ATP10B: variants seen among roughly 807,000 people sequenced by gnomAD.
ATP10B encodes ATPase phospholipid transporting 10B (putative).
A neutral mutation model predicts 141.2 loss-of-function variants in ATP10B; 122 were observed. The observed-to-expected ratio is 0.86, with a 90% CI of 0.75 to 1.00. The LOEUF is 1.00. ATP10B is among the 50% of genes least tolerant of loss of function. The pLI is 0.00. For synonymous variants in ATP10B, 685 were observed against 692.0 expected, an observed-to-expected ratio of 0.99 and a Z score of 0.16; for missense variants, 1,876 against 1,825.3, an observed-to-expected ratio of 1.03 and a Z score of -0.51.
chr5:160,573,617 ATTGTG>A (rs1755012290), intron 24 of ATP10B, among the ~76,000 whole-genome samples: 1 of 152,118 alleles, frequency 6.6e-6, no homozygotes, highest in South Asian at 2.1e-4. Context: ...CGAGAACTCT[ATTGTG>A]AACTGTGGAT....
chr5:160,881,493 A>G, the ATP10B span, among the ~76,000 whole-genome samples: 8 of 152,212 alleles, frequency 5.3e-5, no homozygotes, highest in African/African-American at 9.7e-5. Context: ...CGGCACACAG[A>G]TATTTATAGT....
At chr5:160,748,292 G>C (rs116077129) in intron 2 of ATP10B, among the ~76,000 whole-genome samples, 1,675 of 152,322 alleles carry the variant, frequency 0.011, 28 homozygotes, top group African/African-American at 0.038. Context: ...GCCCTTGCTA[G>C]TGAAGCTTAG....
At chr5:160,720,604 G>T (rs918509772) in intron 2 of ATP10B, among the ~76,000 whole-genome samples, 7 of 152,166 alleles carry the variant, frequency 4.6e-5, no homozygotes, top group African/African-American at 1.7e-4. Flanking sequence ...TATTCTTTGC[G>T]ATGACTATCT....
chr5:160,820,042 A>C (rs888353779), intron 1 of ATP10B, among the ~76,000 whole-genome samples: 1 of 152,108 alleles, frequency 6.6e-6, no homozygotes, highest in African/African-American at 2.4e-5. Context: ...AGCAGAAATA[A>C]ATGAATTCAA....
At chr5:160,824,419 G>C (rs140784717) in intron 1 of ATP10B, among the ~76,000 whole-genome samples, 338 of 152,292 alleles carry the variant, frequency 2.2e-3, no homozygotes, top group African/African-American at 7.2e-3. Flanking sequence ...GTCAGTGGTT[G>C]CAACTGCTCC....
intron 7 of ATP10B, among the ~76,000 whole-genome samples, chr5:160,662,359 C>G (rs1286422538): frequency 6.6e-6 from 1 of 152,126 alleles, no homozygotes; most frequent in Admixed American, 6.6e-5. Flanking sequence ...GCCAAAAGAA[C>G]AAAGCTGGAG....
intron 7 of ATP10B, among the ~76,000 whole-genome samples, chr5:160,659,230 C>T (rs1434668486): frequency 6.6e-6 from 1 of 152,128 alleles, no homozygotes; most frequent in Admixed American, 6.5e-5. Context: ...GTTTGGGAGG[C>T]TGAGGAGGGT....
intron 7 of ATP10B, among the ~76,000 whole-genome samples, chr5:160,665,624 C>A (rs1762276278): frequency 6.6e-6 from 1 of 152,158 alleles, no homozygotes; most frequent in Admixed American, 6.5e-5. Flanking sequence ...CTGACTTGAC[C>A]ACGGACCATG....
chr5:160,698,463 T>A (rs1764496291), intron 3 of ATP10B, among the ~76,000 whole-genome samples: 1 of 152,234 alleles, frequency 6.6e-6, no homozygotes, highest in Admixed American at 6.5e-5. Flanking sequence ...TTTGCAATTA[T>A]ATATTTTCTC....
rs140435010 is a variant in ATP10B, at chr5:160,830,940, ATCTC to A, written c.-576+20997_-576+21000del. Among the ~76,000 whole-genome samples the A allele has an allele frequency of 4.0e-4, 56 of 139,722 alleles. No individual in the cohort carries two copies. In the South Asian group the frequency reaches 4.9e-3, roughly 12 times the overall value. The allele number at this position is 139,722 out of a possible 152,430, so 91.7% of individuals were successfully genotyped here. ...CCCTGTTTCTGTATGCCTCTTCTCA[ATCTC>A]TCTCTCTCTCTCTCATACATACACA... On this transcript the variant is annotated intron_variant, in intron 1 of 25. Transcript: ENST00000327245.
At chr5:160,839,019 A>G (rs1026272941) in intron 1 of ATP10B, among the ~76,000 whole-genome samples, 1 of 152,174 alleles carries the variant, frequency 6.6e-6, no homozygotes, top group South Asian at 2.1e-4. Context: ...GCCTTCCACC[A>G]TAACTGTAAG....
At chr5:160,792,326 T>C (rs1771636008) in intron 1 of ATP10B, among the ~76,000 whole-genome samples, 1 of 152,204 alleles carries the variant, frequency 6.6e-6, no homozygotes, top group African/African-American at 2.4e-5. Flanking sequence ...TGTTCCCCAG[T>C]ATCCATATTG....
intron 2 of ATP10B, among the ~76,000 whole-genome samples, chr5:160,755,793 C>A (rs1425429204): frequency 2.6e-5 from 3 of 116,816 alleles, no homozygotes; most frequent in African/African-American, 9.5e-5. Context: ...CCAGCCTGGG[C>A]GACAGAGCGA....
chr5:160,721,226 C>A (rs918669924), intron 2 of ATP10B, among the ~76,000 whole-genome samples: 1 of 152,128 alleles, frequency 6.6e-6, no homozygotes, highest in African/African-American at 2.4e-5. Flanking sequence ...ACATCCTGAA[C>A]AATGAATATC....
the ATP10B span, among the ~76,000 whole-genome samples, chr5:160,890,211 GAATT>G: frequency 2.0e-5 from 3 of 152,162 alleles, no homozygotes; most frequent in East Asian, 1.9e-4. Context: ...TAGATATGTA[GAATT>G]AATAAAGAAA....
chr5:160,903,962 G>A, the ATP10B span, among the ~76,000 whole-genome samples: 1 of 152,074 alleles, frequency 6.6e-6, no homozygotes, highest in African/African-American at 2.4e-5. Context: ...GGATATCTAT[G>A]GGTCATCCTC....
chr5:160,887,878 T>G, the ATP10B span, among the ~76,000 whole-genome samples: 1 of 152,156 alleles, frequency 6.6e-6, no homozygotes, highest in Non-Finnish European at 1.5e-5. Flanking sequence ...CTTACCCAAC[T>G]CTCTTCTTTT....
At chr5:160,898,574 G>C in the ATP10B span, among the ~76,000 whole-genome samples, 1 of 152,190 alleles carries the variant, frequency 6.6e-6, no homozygotes, top group Non-Finnish European at 1.5e-5. Flanking sequence ...GACCATTGTG[G>C]AAGACAGTGT....
chr5:160,901,422 A>G, the ATP10B span, among the ~76,000 whole-genome samples: 1 of 152,304 alleles, frequency 6.6e-6, no homozygotes, highest in South Asian at 2.1e-4. Flanking sequence ...TCATTCATTA[A>G]ATTAAAAGTA....
Sources: allele counts gnomAD v4.1 joint callset (sites outside exome capture counted in the v4.1 genomes callset), GRCh38; gene constraint gnomAD v4.1.1; transcripts MANE v1.5; gene names NCBI Gene and HGNC (gene_info 2026-07-23, HGNC 2026-07-21).